EGF: variants seen among roughly 807,000 people sequenced by gnomAD.
EGF encodes pro-epidermal growth factor.
EGF carries 95 observed loss-of-function variants against 143.8 expected under a neutral mutation model. The observed-to-expected ratio is 0.66, with a 90% CI of 0.56 to 0.78. The LOEUF (loss-of-function observed/expected upper bound fraction) is 0.78. Among genes scored for constraint, EGF ranks in the 30% least tolerant of loss-of-function variants. The probability of loss-of-function intolerance (pLI) is 0.00; values close to 1 mark genes in which losing one functional copy is unlikely to be tolerated. For missense variants in EGF, 1,320 were observed against 1,470.9 expected, an observed-to-expected ratio of 0.90 and a Z score of 1.68; for synonymous variants, 510 against 510.5, an observed-to-expected ratio of 1.00 and a Z score of 0.01.
rs372188203 is a variant in EGF, at chr4:109,948,834, C to T, written c.940+3559C>T. 1.1e-4 allele frequency among the ~76,000 whole-genome samples: 16 copies of T among 152,256 alleles called. No individual in the cohort carries two copies. The East Asian group carries it at 2.1e-3, about 20-fold the overall frequency. On this transcript the variant is annotated intron_variant, in intron 5 of 23. Coordinates refer to ENST00000265171, the MANE Select transcript of EGF (RefSeq NM_001963.6). ...CTTCTCTAGAGGCTGGTTAGTTCCT[C>T]ATGGATATTATGCCTAAATTGCAGC...
intron 21 of EGF, chr4:110,004,234 A>G (rs1752954749): frequency 4.3e-6 from 2 of 468,584 alleles, no homozygotes; most frequent in Non-Finnish European, 7.8e-6. Context: ...ACACACACAC[A>G]CACACACACA....
intron 1 of EGF, among the ~76,000 whole-genome samples, chr4:109,919,281 T>G (rs1737262430): frequency 8.6e-6 from 1 of 116,550 alleles, no homozygotes; most frequent in African/African-American, 3.5e-5. Flanking sequence ...GAATGCATGC[T>G]TCTCTGTCTC....
chr4:109,970,646 G>A (rs1321598121), intron 11 of EGF, among the ~76,000 whole-genome samples: 3 of 151,938 alleles, frequency 2.0e-5, no homozygotes, highest in Admixed American at 6.6e-5. Context: ...CTAACATGGT[G>A]AAACCCCGTC....
At chr4:109,975,486 C>T (rs753433239) in intron 12 of EGF, among the ~76,000 whole-genome samples, 9 of 152,236 alleles carry the variant, frequency 5.9e-5, no homozygotes, top group Middle Eastern at 3.4e-3. Flanking sequence ...ACCATATTGA[C>T]TTCAAAAAAA....
At chr4:109,983,274 C>T in intron 15 of EGF, 148 bp from the exon 16 acceptor site, 1 of 894,526 alleles carries the variant, frequency 1.1e-6, no homozygotes, top group Non-Finnish European at 1.7e-6. Flanking sequence ...TACTAAGTTA[C>T]CAAGACCCTG....
Position 109,962,178 on chromosome 4 carries a change from G to C in EGF, c.1312+193G>C, listed in dbSNP as rs570974954. Reference sequence around the variant, plus strand: ...TTTTTGGCTTTTTTGTTTTTGTTTAGACAGCATAGCGTCTAACTTATGAGC... The same window carrying C: ...TTTTTGGCTTTTTTGTTTTTGTTTACACAGCATAGCGTCTAACTTATGAGC... On this transcript the variant is annotated intron_variant, in intron 8 of 23. Transcript: ENST00000265171. Among the ~76,000 whole-genome samples, 10 of 152,222 alleles carry C rather than the reference G, an allele frequency of 6.6e-5. No homozygotes were observed. The South Asian group carries it at 2.1e-3, about 32-fold the overall frequency.
At chr4:109,924,455 T>A (rs1738300618) in intron 1 of EGF, among the ~76,000 whole-genome samples, 1 of 151,664 alleles carries the variant, frequency 6.6e-6, no homozygotes, top group South Asian at 2.1e-4. Context: ...ATAAATTACA[T>A]CCATGAATTA....
rs1034947576 is a variant in EGF, at chr4:110,013,189, C to T, written c.*1734C>T. 6.6e-6 allele frequency among the ~76,000 whole-genome samples: 1 copy of T among 152,074 alleles called. No homozygotes were observed. Among genetic ancestry groups the T allele is most frequent in the African/African-American group, 2.4e-5 (1 of 41,396 alleles). On this transcript the variant is annotated 3_prime_UTR_variant, in exon 24 of 24. Coordinates refer to ENST00000265171, the MANE Select transcript of EGF (RefSeq NM_001963.6). ...TCAGAAAAATAATAACCATAATTTC[C>T]CCCAAGGTTTTCTTTACCTAAGTGT...
intron 16 of EGF, among the ~76,000 whole-genome samples, chr4:109,985,296 G>A (rs1338099312): frequency 6.6e-6 from 1 of 152,200 alleles, no homozygotes; most frequent in Non-Finnish European, 1.5e-5. Flanking sequence ...ACCTAAGTCA[G>A]GCTTGGGGGT....
chr4:109,941,717 A>T (rs1741962241), intron 2 of EGF, among the ~76,000 whole-genome samples: 1 of 152,166 alleles, frequency 6.6e-6, no homozygotes, highest in African/African-American at 2.4e-5. Flanking sequence ...AATCTCCGTC[A>T]TGGGTTTTGG....
chr4:109,960,733 A>G (rs1234111468), intron 6 of EGF, 134 bp from the exon 7 acceptor site: 17 of 1,011,486 alleles, frequency 1.7e-5, no homozygotes, highest in African/African-American at 3.2e-5. Context: ...TAGAGTATGG[A>G]AAACAGACTT....
chr4:109,979,273 G>T (rs1180849102), intron 13 of EGF, among the ~76,000 whole-genome samples: 1 of 152,140 alleles, frequency 6.6e-6, no homozygotes, highest in African/African-American at 2.4e-5. Context: ...ATGAGGAAAT[G>T]AAGATGGGAG....
chr4:109,988,702 C>T lies in EGF; in HGVS notation c.2727C>T (p.His909=). 1.9e-6 allele frequency: 3 copies of T among 1,613,924 alleles called. No individual in the cohort carries two copies. Among genetic ancestry groups the T allele is most frequent in the Non-Finnish European group, 2.5e-6 (3 of 1,179,866 alleles). The change falls in exon 18 of 24, where the codon CAC becomes CAT. Residue 909 remains histidine (H), a synonymous_variant. Coordinates refer to ENST00000265171, the MANE Select transcript of EGF (RefSeq NM_001963.6). Reference sequence around the variant, plus strand: ...AAGGCTACCAAGGAGATGGGATTCACTGTCTTGGTAAGAGGACACATGTGC... The same window carrying T: ...AAGGCTACCAAGGAGATGGGATTCATTGTCTTGGTAAGAGGACACATGTGC... ...CSEGYQGDGI[H]CLDIDECQLG... is the part of the protein sequence containing the mutation.
At chr4:110,003,820 T>A (rs939691162) in intron 21 of EGF, among the ~76,000 whole-genome samples, 1 of 151,826 alleles carries the variant, frequency 6.6e-6, no homozygotes, top group African/African-American at 2.4e-5. Context: ...TTAGCCACTA[T>A]GAGATTTTCT....
chr4:109,918,686 C>T (rs1164031245), intron 1 of EGF, among the ~76,000 whole-genome samples: 1 of 152,168 alleles, frequency 6.6e-6, no homozygotes, highest in African/African-American at 2.4e-5. Flanking sequence ...CCCTGTCTCA[C>T]TTACTTCTTG....
chr4:109,940,475 G>A (rs78487048), intron 1 of EGF, among the ~76,000 whole-genome samples: 3 of 152,130 alleles, frequency 2.0e-5, no homozygotes, highest in Admixed American at 2.0e-4. Context: ...AGACCTTTTA[G>A]TTTTCACCGT....
At chr4:109,914,314 G>T (rs968577350) in intron 1 of EGF, among the ~76,000 whole-genome samples, 3 of 152,162 alleles carry the variant, frequency 2.0e-5, no homozygotes, top group African/African-American at 7.2e-5. Flanking sequence ...TTATCAGCTT[G>T]CCCTTTTGAG....
At chr4:109,915,072 C>G (rs1420099537) in intron 1 of EGF, among the ~76,000 whole-genome samples, 2 of 152,206 alleles carry the variant, frequency 1.3e-5, no homozygotes, top group Admixed American at 1.3e-4. Context: ...GCAAGCAAGT[C>G]TATGCCTTGT....
At chr4:110,008,400 A>G (rs982592370) in intron 23 of EGF, 170 bp downstream of exon 23, 33 of 342,840 alleles carry the variant, frequency 9.6e-5, no homozygotes, top group African/African-American at 7.1e-4. Flanking sequence ...CCTGATTTGC[A>G]CTGGAGTTCT....
Sources: gnomAD v4.1 joint callset for allele counts (sites outside exome capture counted in the v4.1 genomes callset) on GRCh38, gnomAD v4.1.1 for gene constraint, MANE v1.5 for transcripts, NCBI Gene and HGNC (gene_info 2026-07-23, HGNC 2026-07-21) for gene names.